Variants in DLC1 observed in about 807,000 individuals in gnomAD.
The protein encoded by DLC1 is rho GTPase-activating protein 7.
A neutral mutation model predicts 140.3 loss-of-function variants in DLC1; 54 were observed. The observed-to-expected ratio is 0.38, with a 90% CI of 0.31 to 0.48. The LOEUF is 0.48. Ranked by LOEUF, DLC1 falls within the 20% of genes least tolerant of loss-of-function variation. The probability of loss-of-function intolerance (pLI) is 0.96; values close to 1 mark genes in which losing one functional copy is unlikely to be tolerated. For synonymous variants in DLC1, 986 were observed against 728.1 expected (o/e 1.35, Z -5.70); for missense variants, 2,536 against 1,907.0 (o/e 1.33, Z -6.14).
At chr8:13,095,037 T>C (rs2128932583) in intron 11 of DLC1, 49 bp downstream of exon 11, 2 of 1,613,512 alleles carry the variant, frequency 1.2e-6, no homozygotes, top group Non-Finnish European at 1.7e-6. Context: ...AGAAGCTGCA[T>C]GTAATCCGAG....
intron 5 of DLC1, among the ~76,000 whole-genome samples, chr8:13,244,143 A>G (rs550926341): frequency 6.6e-6 from 1 of 152,044 alleles, no homozygotes; most frequent in Admixed American, 6.6e-5. Context: ...TTTCAAACCC[A>G]TTCCCTACTG....
chr8:13,428,985 C>T (rs1838737379), intron 2 of DLC1, among the ~76,000 whole-genome samples: 1 of 152,196 alleles, frequency 6.6e-6, no homozygotes, highest in South Asian at 2.1e-4. Flanking sequence ...TAGAAAACCA[C>T]TGGATTCAGT....
chr8:13,485,657 T>C (rs1242443476), intron 2 of DLC1, among the ~76,000 whole-genome samples: 1 of 152,210 alleles, frequency 6.6e-6, no homozygotes, highest in Non-Finnish European at 1.5e-5. Context: ...AGTTAGAAAT[T>C]AAATCTCGTA....
At position 13,496,814 on chromosome 8, in the gene DLC1, TTTTTG is replaced by T. The variant is rs1450538064; in HGVS notation, c.1023+2230_1023+2234del. Reference sequence around the variant, plus strand: ...TTTTTTTTTTTTTTTTTTTTTTTTTTTTTTGAGATGGAGTTTCGCTGTGTCACCCA... The same window carrying T: ...TTTTTTTTTTTTTTTTTTTTTTTTTTAGATGGAGTTTCGCTGTGTCACCCA... On this transcript the variant is annotated intron_variant, in intron 2 of 17. Transcript: ENST00000276297. Among the ~76,000 whole-genome samples, 38 of 13,612 alleles carry T rather than the reference TTTTTG, an allele frequency of 2.8e-3. 7 individuals carry two copies. In the South Asian group the frequency reaches 0.045, roughly 16 times the overall value. The allele number at this position is 13,612 out of a possible 152,430, so 8.9% of individuals were successfully genotyped here.
At chr8:13,433,061 A>G (rs192693539) in intron 2 of DLC1, among the ~76,000 whole-genome samples, 1 of 151,940 alleles carries the variant, frequency 6.6e-6, no homozygotes, top group Admixed American at 6.6e-5. Flanking sequence ...GACATTTGGA[A>G]AGAACGATGG....
intron 5 of DLC1, among the ~76,000 whole-genome samples, chr8:13,180,057 G>T (rs1825952813): frequency 6.6e-6 from 1 of 152,144 alleles, no homozygotes; most frequent in Non-Finnish European, 1.5e-5. Context: ...TCTTGTGGTG[G>T]AATCGTATGT....
chr8:13,112,313 A>G (rs1662078), intron 6 of DLC1, among the ~76,000 whole-genome samples: 1 of 152,028 alleles, frequency 6.6e-6, no homozygotes, highest in Non-Finnish European at 1.5e-5. Flanking sequence ...ATTGTTTCTT[A>G]TGATTACTGG....
chr8:13,232,836 T>G (rs1284370204), intron 5 of DLC1, among the ~76,000 whole-genome samples: 2 of 152,258 alleles, frequency 1.3e-5, no homozygotes, highest in Non-Finnish European at 2.9e-5. Flanking sequence ...TAGAAATAGT[T>G]ATTTTTCTCA....
chr8:13,197,330 A>T (rs1326338475), intron 5 of DLC1, among the ~76,000 whole-genome samples: 2 of 150,876 alleles, frequency 1.3e-5, no homozygotes, highest in Non-Finnish European at 3.0e-5. Context: ...GATTTATTTT[A>T]TTTTTTTTTA....
At chr8:13,561,376 C>T (rs535007900) in intron 1 of DLC1, among the ~76,000 whole-genome samples, 6 of 152,242 alleles carry the variant, frequency 3.9e-5, no homozygotes, top group South Asian at 2.1e-4. Context: ...GAAGGGGTCT[C>T]GCTGTGTTGC....
At chr8:13,229,856 C>T (rs1466631940) in intron 5 of DLC1, among the ~76,000 whole-genome samples, 6 of 152,174 alleles carry the variant, frequency 3.9e-5, no homozygotes, top group Admixed American at 6.5e-5. Context: ...CTGCAGTTAT[C>T]GGAAACATTT....
chr8:13,390,004 T>C (rs966231221), intron 4 of DLC1, among the ~76,000 whole-genome samples: 7 of 152,206 alleles, frequency 4.6e-5, no homozygotes, highest in Non-Finnish European at 8.8e-5. Flanking sequence ...GTTTTCTCTC[T>C]CTTCATAAAG....
intron 1 of DLC1, among the ~76,000 whole-genome samples, chr8:13,511,224 A>G (rs1363766350): frequency 6.6e-6 from 1 of 152,206 alleles, no homozygotes; most frequent in African/African-American, 2.4e-5. Context: ...TTTCAAGCTA[A>G]TACAGAAACA....
intron 1 of DLC1, among the ~76,000 whole-genome samples, chr8:13,576,957 C>T (rs759619279): frequency 6.6e-6 from 1 of 151,794 alleles, no homozygotes; most frequent in Non-Finnish European, 1.5e-5. Flanking sequence ...AAGTGCTTAC[C>T]GAGGAACATA....
At position 13,567,229 on chromosome 8, in the gene DLC1, GA is replaced by G. The variant is rs1348498143; in HGVS notation, c.-126+37307del. The G allele has an allele frequency of 2.1e-5, 32 of 1,551,412 alleles. 1 individual carries two copies. Among genetic ancestry groups the G allele is most frequent in the Non-Finnish European group, 2.6e-5 (30 of 1,147,000 alleles). On this transcript the variant is annotated intron_variant, in intron 1 of 1. Coordinates refer to the DLC1 transcript ENST00000631382. Reference sequence around the variant, plus strand: ...TGAGCTTTTGGACTATAAAAATTATGAAAAGAAGTTGAGTAAAAAATGGATC... The same window carrying G: ...TGAGCTTTTGGACTATAAAAATTATGAAAGAAGTTGAGTAAAAAATGGATC...
chr8:13,203,603 GT>G (rs1382158567), intron 5 of DLC1, among the ~76,000 whole-genome samples: 1 of 152,174 alleles, frequency 6.6e-6, no homozygotes, highest in African/African-American at 2.4e-5. Flanking sequence ...TGATAGACTA[GT>G]TTTCCATCCT....
intron 7 of DLC1, among the ~76,000 whole-genome samples, chr8:13,107,993 C>G (rs147872198): frequency 6.6e-6 from 1 of 151,946 alleles, no homozygotes; most frequent in Non-Finnish European, 1.5e-5. Flanking sequence ...TGCAGTGAGC[C>G]GAGATCACGC....
chr8:13,123,526 T>A (rs887426402), intron 5 of DLC1, among the ~76,000 whole-genome samples: 1 of 146,276 alleles, frequency 6.8e-6, no homozygotes, highest in African/African-American at 2.5e-5. Flanking sequence ...TTTTTTTTTT[T>A]AAGTAAACAC....
intron 2 of DLC1, among the ~76,000 whole-genome samples, chr8:13,481,895 G>A (rs1800755079): frequency 6.6e-6 from 1 of 152,080 alleles, no homozygotes; most frequent in Non-Finnish European, 1.5e-5. Flanking sequence ...CACACACGAA[G>A]AAGCCCATGT....
Sources: allele counts gnomAD v4.1 joint callset (sites outside exome capture counted in the v4.1 genomes callset), GRCh38; gene constraint gnomAD v4.1.1; transcripts MANE v1.5; gene names NCBI Gene and HGNC (gene_info 2026-07-23, HGNC 2026-07-21).